ATF7IP2: variants seen among roughly 807,000 people sequenced by gnomAD.
ATF7IP2 encodes the protein activating transcription factor 7 interacting protein 2, also known as activating transcription factor 7-interacting protein 2.
ATF7IP2 carries 42 observed loss-of-function variants against 64.2 expected under a neutral mutation model. The ratio of observed to expected loss-of-function variants is 0.65; its 90% CI spans 0.51 to 0.85. The LOEUF (loss-of-function observed/expected upper bound fraction) is 0.85, where lower values mean the gene tolerates loss of function less well. Among genes scored for constraint, ATF7IP2 ranks in the 40% least tolerant of loss-of-function variants. The probability of loss-of-function intolerance (pLI) is 0.00; values close to 1 mark genes in which losing one functional copy is unlikely to be tolerated. For missense variants in ATF7IP2, 933 were observed against 784.2 expected, an observed-to-expected ratio of 1.19 and a Z score of -2.27; for synonymous variants, 308 against 272.8, an observed-to-expected ratio of 1.13 and a Z score of -1.27.
In ATF7IP2 at chr16:10,475,722, GAAAAAAAAAA is replaced by G. The variant is rs386384218; in HGVS notation, c.1549+1746_1549+1755del. 1.2e-4 allele frequency among the ~76,000 whole-genome samples: 5 copies of G among 41,644 alleles called. No individual in the cohort carries two copies. In the Admixed American group the frequency reaches 1.5e-3, roughly 12 times the overall value. The allele number at this position is 41,644 out of a possible 152,430, so 27.3% of individuals were successfully genotyped here. ...AAAAAAAACCCAATCTAAGAAGCCA[GAAAAAAAAAA>G]AAAAAAAAAAAACAGAGAAAGAACA... On this transcript the variant is annotated intron_variant, in intron 12 of 13. Coordinates refer to ENST00000562102, the MANE Select transcript of ATF7IP2 (RefSeq NM_001393719.1).
intron 1 of ATF7IP2, among the ~76,000 whole-genome samples, chr16:10,394,057 C>T (rs1567422168): frequency 6.6e-6 from 1 of 152,210 alleles, no homozygotes; most frequent in East Asian, 1.9e-4. Flanking sequence ...CAAGTAATGT[C>T]AGGTGTGAAA....
intron 4 of ATF7IP2, among the ~76,000 whole-genome samples, chr16:10,429,289 G>T (rs1415458332): frequency 6.6e-6 from 1 of 152,020 alleles, no homozygotes; most frequent in South Asian, 2.1e-4. Context: ...GGCATATTAG[G>T]GTCTTAATTA....
intron 1 of ATF7IP2, among the ~76,000 whole-genome samples, chr16:10,401,012 A>G (rs2047521953): frequency 6.6e-6 from 1 of 152,104 alleles, no homozygotes; most frequent in African/African-American, 2.4e-5. Context: ...TGCTAAATTT[A>G]CCATAATGCT....
At chr16:10,421,774 G>T (rs1161545512) in intron 3 of ATF7IP2, among the ~76,000 whole-genome samples, 1 of 152,230 alleles carries the variant, frequency 6.6e-6, no homozygotes, top group Non-Finnish European at 1.5e-5. Flanking sequence ...AGATTCAATT[G>T]CTTGCCCTAC....
chr16:10,439,049 CAA>C (rs755392953), intron 7 of ATF7IP2, among the ~76,000 whole-genome samples: 3 of 102,424 alleles, frequency 2.9e-5, no homozygotes, highest in African/African-American at 3.8e-5. Flanking sequence ...GACTCCATCT[CAA>C]AAAAAAAAAA....
intron 3 of ATF7IP2, among the ~76,000 whole-genome samples, chr16:10,422,074 T>A (rs992397239): frequency 6.6e-5 from 10 of 152,244 alleles, no homozygotes; most frequent in Admixed American, 1.3e-4. Context: ...TTTACCTGAT[T>A]TTGTCTTAAT....
At chr16:10,480,523 C>A (rs2050183190) in intron 12 of ATF7IP2, among the ~76,000 whole-genome samples, 1 of 151,762 alleles carries the variant, frequency 6.6e-6, no homozygotes, top group Non-Finnish European at 1.5e-5. Context: ...ATTCCTAAAA[C>A]TTGGCTATAG....
chr16:10,405,783 G>A (rs1329237821), intron 1 of ATF7IP2, among the ~76,000 whole-genome samples: 1 of 152,166 alleles, frequency 6.6e-6, no homozygotes, highest in Non-Finnish European at 1.5e-5. Flanking sequence ...CCCTGTGTAG[G>A]TTTGTACTGA....
intron 3 of ATF7IP2, 150 bp downstream of exon 3, chr16:10,419,773 G>A (rs1393320242): frequency 6.6e-6 from 1 of 152,262 alleles, no homozygotes; most frequent in African/African-American, 2.4e-5. Flanking sequence ...AGGTATCTCA[G>A]TGGCACCCAA....
chr16:10,431,539 C>T (rs2048255800), intron 5 of ATF7IP2, 84 bp downstream of exon 5: 4 of 857,268 alleles, frequency 4.7e-6, no homozygotes, highest in Admixed American at 2.8e-5. Context: ...ATATACAAAC[C>T]AGTATAGACA....
chr16:10,412,889 T>C (rs575108628), intron 1 of ATF7IP2, among the ~76,000 whole-genome samples: 1 of 152,332 alleles, frequency 6.6e-6, no homozygotes, highest in East Asian at 1.9e-4. Context: ...TTCTGTTGGA[T>C]AATGCTTTTT....
intron 9 of ATF7IP2, among the ~76,000 whole-genome samples, chr16:10,459,215 T>G (rs563041078): frequency 6.6e-6 from 1 of 152,166 alleles, no homozygotes; most frequent in Non-Finnish European, 1.5e-5. Context: ...ACGCCTTCCA[T>G]CCCAGCACTT....
chr16:10,481,900 T>G lies in ATF7IP2; in HGVS notation c.1700T>G (p.Val567Gly), dbSNP rs1185779813. Residue 567 changes from valine to glycine, a missense_variant, in exon 14 of 14, where the codon GTA becomes GGA. Physicochemically the swap from Val to Gly is moderately radical, Grantham distance 109. Coordinates refer to ENST00000562102, the MANE Select transcript of ATF7IP2 (RefSeq NM_001393719.1). Reference protein sequence around the residue: ...PEPPAPLPELVDKTRDTLPPQ... With the variant: ...PEPPAPLPELGDKTRDTLPPQ... ...CCACCAGCACCACTACCTGAATTAG[T>G]AGACAAAACCCGAGACACACTTCCT... 6.2e-7 allele frequency: 1 copy of G among 1,613,444 alleles called. No homozygotes were observed. The highest frequency in any genetic ancestry group is 1.7e-5 in the Admixed American group (1 of 59,796).
rs1047216268 is a variant in ATF7IP2, at chr16:10,483,019, T to C, written c.*770T>C. 2.6e-5 allele frequency: 4 copies of C among 152,230 alleles called. No individual in the cohort carries two copies. Among genetic ancestry groups the C allele is most frequent in the Non-Finnish European group, 5.9e-5 (4 of 68,042 alleles). The allele number at this position is 152,230 out of a possible 1,614,324, so 9.4% of individuals were successfully genotyped here. A position where few individuals can be genotyped will look rare whatever the true frequency, so the allele number is the denominator to read the frequency against. ...GTAAGCCACCATGCCTGGCCAAAAA[T>C]TAAAAGATTTTATGAAACGAAATGG... is the stretch of plus-strand genomic sequence containing the variant. On this transcript the variant is annotated 3_prime_UTR_variant, in exon 14 of 14. Coordinates refer to ENST00000562102, the MANE Select transcript of ATF7IP2 (RefSeq NM_001393719.1).
At chr16:10,465,978 G>A (rs12596456) in intron 9 of ATF7IP2, among the ~76,000 whole-genome samples, 118,679 of 152,058 alleles carry the variant, frequency 0.78, 47,208 homozygotes, top group African/African-American at 0.94. Flanking sequence ...AATTTTCACA[G>A]AGTGACAGAT....
chr16:10,389,506 T>TA (rs996551310), intron 1 of ATF7IP2, among the ~76,000 whole-genome samples: 19 of 152,262 alleles, frequency 1.2e-4, no homozygotes, highest in African/African-American at 4.6e-4. Context: ...CGTCCAGTGT[T>TA]ACCATCCCCT....
At chr16:10,390,625 C>A (rs2141731295) in intron 1 of ATF7IP2, among the ~76,000 whole-genome samples, 1 of 152,134 alleles carries the variant, frequency 6.6e-6, no homozygotes, top group African/African-American at 2.4e-5. Flanking sequence ...CTCTACAAAA[C>A]AATGTTTTGT....
intron 8 of ATF7IP2, chr16:10,454,033 T>C (rs1397756566): frequency 2.0e-5 from 3 of 151,832 alleles, no homozygotes; most frequent in Non-Finnish European, 4.4e-5. Flanking sequence ...CCATCTTTTA[T>C]CAGTTTTGCA....
intron 8 of ATF7IP2, chr16:10,454,462 G>C (rs2049101312): frequency 6.8e-6 from 1 of 148,028 alleles, no homozygotes; most frequent in Non-Finnish European, 1.5e-5. Context: ...TTAATGTTTG[G>C]GGTTCTACAG....
Sources: gnomAD v4.1 joint callset for allele counts (sites outside exome capture counted in the v4.1 genomes callset) on GRCh38, gnomAD v4.1.1 for gene constraint, MANE v1.5 for transcripts, NCBI Gene and HGNC (gene_info 2026-07-23, HGNC 2026-07-21) for gene names.